ZNF474: variants seen among roughly 807,000 people sequenced by gnomAD.
The protein encoded by ZNF474 is zinc finger protein 474.
For synonymous variants in ZNF474, 192 were observed against 162.2 expected, an observed-to-expected ratio of 1.18 and a Z score of -1.39; for missense variants, 511 against 433.8, an observed-to-expected ratio of 1.18 and a Z score of -1.58.
chr5:122,144,106 G>T (rs1473642227), intron 1 of ZNF474, among the ~76,000 whole-genome samples: 1 of 151,580 alleles, frequency 6.6e-6, no homozygotes, highest in East Asian at 1.9e-4. Flanking sequence ...TTAAGTCACC[G>T]ATTCTGTCTT....
In ZNF474 at chr5:122,152,140, TG is replaced by T. The variant is rs749154520; in HGVS notation, c.152del (p.Gly51ValfsTer4). 38 of 1,614,166 alleles carry T rather than the reference TG, an allele frequency of 2.4e-5. No individual in the cohort carries two copies. Among genetic ancestry groups the T allele is most frequent in the Non-Finnish European group, 3.0e-5 (35 of 1,180,018 alleles). On this transcript the variant is annotated frameshift_variant, in exon 2 of 2. Transcript: ENST00000296600. LOFTEE classifies it low-confidence loss of function (END_TRUNC). ...LSPETESVNPGENIKTDTQKK... is the reference protein window; with the variant it reads ...LSPETESVNPXENIKTDTQKK... ...CCCCAGAAACAGAGAGTGTTAATCC[TG>T]GTGAAAATATAAAGACAGACACTCA...
At chr5:122,149,087 A>G (rs1756093098) in intron 1 of ZNF474, among the ~76,000 whole-genome samples, 3 of 152,156 alleles carry the variant, frequency 2.0e-5, no homozygotes, top group Non-Finnish European at 2.9e-5. Context: ...GTTCTCACTT[A>G]TAAGTGGGAG....
chr5:122,139,014 A>G (rs1028696572), intron 1 of ZNF474, among the ~76,000 whole-genome samples: 1 of 152,226 alleles, frequency 6.6e-6, no homozygotes, highest in African/African-American at 2.4e-5. Flanking sequence ...CATTCCTTGA[A>G]TCAGTTCATG....
intron 1 of ZNF474, among the ~76,000 whole-genome samples, chr5:122,143,042 G>C (rs1029042993): frequency 2.0e-5 from 3 of 152,150 alleles, no homozygotes; most frequent in East Asian, 1.9e-4. Context: ...GTTGATGTCT[G>C]TAATGAATGG....
intron 1 of ZNF474, among the ~76,000 whole-genome samples, chr5:122,136,463 C>A (rs1158219706): frequency 1.3e-5 from 2 of 152,168 alleles, no homozygotes; most frequent in Non-Finnish European, 2.9e-5. Flanking sequence ...GTGCCCCCAG[C>A]ACAAGTGACT....
chr5:122,141,300 A>ATTTTTTTTTTTTTT lies in ZNF474; in HGVS notation c.-212-10467_-212-10454dup, dbSNP rs368273210. 4.0e-4 allele frequency among the ~76,000 whole-genome samples: 26 copies of ATTTTTTTTTTTTTT among 64,358 alleles called. 3 individuals carry two copies. The highest frequency in any genetic ancestry group is 1.8e-3 in the African/African-American group (25 of 13,584). The allele number at this position is 64,358 out of a possible 152,430, so 42.2% of individuals were successfully genotyped here. ...CGAGTAGCTGGGATTACCCCTGGCT[A>ATTTTTTTTTTTTTT]TTTTTTTTTTTTTTTTTTTTTTTTT... On this transcript the variant is annotated intron_variant, in intron 1 of 1. Coordinates refer to ENST00000296600, the MANE Select transcript of ZNF474 (RefSeq NM_207317.3).
chr5:122,130,118 A>C (rs1755543346), intron 1 of ZNF474, among the ~76,000 whole-genome samples: 2 of 152,200 alleles, frequency 1.3e-5, no homozygotes, highest in African/African-American at 4.8e-5. Context: ...TATCCATGAA[A>C]GAAAAGGGGT....
Position 122,152,689 on chromosome 5 carries a change from C to G in ZNF474, c.699C>G (p.Thr233=). Residue 233 remains threonine, a synonymous_variant, in exon 2 of 2, where the codon ACC becomes ACG. Coordinates refer to ENST00000296600, the MANE Select transcript of ZNF474 (RefSeq NM_207317.3). ...ACATATGTGGTAAGGAATTTGGCAC[C>G]CTGTCCCTTCCTATTCATGAGCCCA... is the stretch of plus-strand genomic sequence containing the variant. ...ICYICGKEFG[T]LSLPIHEPKC... is the part of the protein sequence containing the mutation. The G allele has an allele frequency of 6.2e-7, 1 of 1,614,150 alleles. No homozygotes were observed. The highest frequency in any genetic ancestry group is 2.2e-5 in the East Asian group (1 of 44,878).
At chr5:122,133,894 T>C (rs1755637565) in intron 1 of ZNF474, among the ~76,000 whole-genome samples, 1 of 152,226 alleles carries the variant, frequency 6.6e-6, no homozygotes. Context: ...TTATCTATTA[T>C]TTCTAAGAGA....
At position 122,152,646 on chromosome 5, in the gene ZNF474, C is replaced by A. The variant is rs777726363; in HGVS notation, c.656C>A (p.Pro219Gln). 4 of 1,614,200 alleles carry A rather than the reference C, an allele frequency of 2.5e-6. No homozygotes were observed. The highest frequency in any genetic ancestry group is 3.3e-5 in the Admixed American group (2 of 60,026). Residue 219 changes from proline (P) to glutamine (Q), a missense_variant, in exon 2 of 2, where the codon CCA (proline) becomes CAA (glutamine). Coordinates refer to ENST00000296600, the MANE Select transcript of ZNF474 (RefSeq NM_207317.3). The part of the protein sequence containing the change: ...KKACSGTPAR[P>Q]RTVICYICGK... ...GCTTGTAGTGGAACCCCAGCCCGAC[C>A]AAGGACTGTTATCTGCTACATATGT...
At chr5:122,140,511 A>T (rs1291622867) in intron 1 of ZNF474, among the ~76,000 whole-genome samples, 2 of 152,216 alleles carry the variant, frequency 1.3e-5, no homozygotes, top group Non-Finnish European at 2.9e-5. Flanking sequence ...ATGTCATCAA[A>T]CCTAAAAAAT....
chr5:122,143,498 G>GTT (rs1755903015), intron 1 of ZNF474, among the ~76,000 whole-genome samples: 1 of 152,108 alleles, frequency 6.6e-6, no homozygotes, highest in African/African-American at 2.4e-5. Flanking sequence ...TCCATCCAAT[G>GTT]TTTAAAAACC....
intron 1 of ZNF474, among the ~76,000 whole-genome samples, chr5:122,134,484 G>C (rs543542767): frequency 2.6e-5 from 4 of 152,294 alleles, no homozygotes; most frequent in South Asian, 4.1e-4. Context: ...TCTTGTCTTT[G>C]CCCAAATGGT....
chr5:122,152,525 C>A lies in ZNF474; in HGVS notation c.535C>A (p.His179Asn). 1.2e-6 allele frequency: 2 copies of A among 1,614,176 alleles called. No homozygotes were observed. Among genetic ancestry groups the A allele is most frequent in the Non-Finnish European group, 1.7e-6 (2 of 1,180,014 alleles). Reference protein sequence around the residue: ...ESCGRTFLPDHLLVHHRSCKP... With the variant: ...ESCGRTFLPDNLLVHHRSCKP... Reference sequence around the variant, plus strand: ...CTGTGGCCGCACATTCTTGCCAGATCATCTTCTTGTTCATCACAGAAGCTG... The same window carrying A: ...CTGTGGCCGCACATTCTTGCCAGATAATCTTCTTGTTCATCACAGAAGCTG... The change falls in exon 2 of 2, where the codon CAT becomes AAT. Residue 179 changes from histidine to asparagine, a missense_variant. Coordinates refer to ENST00000296600, the MANE Select transcript of ZNF474 (RefSeq NM_207317.3).
intron 1 of ZNF474, among the ~76,000 whole-genome samples, chr5:122,130,296 C>T (rs969320889): frequency 3.9e-5 from 6 of 152,180 alleles, no homozygotes; most frequent in African/African-American, 1.2e-4. Flanking sequence ...AGTCAGGGCA[C>T]GGGACATTTA....
intron 1 of ZNF474, among the ~76,000 whole-genome samples, chr5:122,139,192 A>T (rs75655397): frequency 1.3e-5 from 2 of 152,166 alleles, no homozygotes; most frequent in Non-Finnish European, 2.9e-5. Flanking sequence ...CCTGTTTCCA[A>T]TGTAAAATAC....
rs199951531 is a variant in ZNF474, at chr5:122,152,419, C to G, written c.429C>G (p.Ser143Arg). ...AACCCTCCAAACCACAGTCTCTCAGCAGCAGTGGGTCCTACAGTCTTCAGG... is the reference window on the plus strand; with the variant it reads ...AACCCTCCAAACCACAGTCTCTCAGGAGCAGTGGGTCCTACAGTCTTCAGG... ...RPEPSKPQSL[S>R]SSGSYSLQAT... The change falls in exon 2 of 2, where the codon AGC becomes AGG. Residue 143 changes from serine (S) to arginine (R), a missense_variant. Physicochemically the swap from Ser to Arg is moderately radical, Grantham distance 110. Transcript: ENST00000296600. 1.9e-6 allele frequency: 3 copies of G among 1,614,100 alleles called. No individual in the cohort carries two copies. In the African/African-American group the frequency reaches 4.0e-5, roughly 22 times the overall value.
intron 1 of ZNF474, chr5:122,147,973 C>T (rs1192638399): frequency 1.3e-5 from 2 of 152,184 alleles, no homozygotes; most frequent in African/African-American, 4.8e-5. Flanking sequence ...ATAATTCAGG[C>T]CAACTGAGTG....
Position 122,152,542 on chromosome 5 carries a change from C to T in ZNF474, c.552C>T (p.His184=). 6.2e-7 allele frequency: 1 copy of T among 1,614,166 alleles called. No individual in the cohort carries two copies. Among genetic ancestry groups the T allele is most frequent in the Non-Finnish European group, 8.5e-7 (1 of 1,180,026 alleles). The change falls in exon 2 of 2, where the codon CAC becomes CAT. Residue 184 remains histidine (H), a synonymous_variant. Coordinates refer to ENST00000296600, the MANE Select transcript of ZNF474 (RefSeq NM_207317.3). ...TFLPDHLLVH[H]RSCKPKGEGP... ...TGCCAGATCATCTTCTTGTTCATCA[C>T]AGAAGCTGCAAGCCAAAGGGTGAGG...
Sources: gnomAD v4.1 joint callset for allele counts (sites outside exome capture counted in the v4.1 genomes callset) on GRCh38, gnomAD v4.1.1 for gene constraint, MANE v1.5 for transcripts, NCBI Gene and HGNC (gene_info 2026-07-23, HGNC 2026-07-21) for gene names.